HSD17B12: variants seen among roughly 807,000 people sequenced by gnomAD.
HSD17B12 encodes hydroxysteroid 17-beta dehydrogenase 12.
HSD17B12 carries 32 observed loss-of-function variants against 39.3 expected under a neutral mutation model. That is an observed-to-expected ratio of 0.81 (90% CI 0.61 to 1.09). HSD17B12 has a LOEUF of 1.09. Among genes scored for constraint, HSD17B12 ranks in the 50% least tolerant of loss-of-function variants. The pLI is 0.00. For missense variants in HSD17B12, 342 were observed against 382.9 expected (o/e 0.89, Z 0.89); for synonymous variants, 150 against 146.7 (o/e 1.02, Z -0.16).
chr11:43,834,330 C>T (rs1171184469), intron 7 of HSD17B12, among the ~76,000 whole-genome samples: 1 of 151,500 alleles, frequency 6.6e-6, no homozygotes, highest in Non-Finnish European at 1.5e-5. Flanking sequence ...CTTTTGTACT[C>T]CTTGATATGA....
chr11:43,704,848 T>C (rs937084354), intron 1 of HSD17B12, among the ~76,000 whole-genome samples: 5 of 152,154 alleles, frequency 3.3e-5, no homozygotes, highest in African/African-American at 1.2e-4. Context: ...ACCAACACAC[T>C]GAGGATCACA....
chr11:43,599,839 C>G, the HSD17B12 span, among the ~76,000 whole-genome samples: 5 of 152,122 alleles, frequency 3.3e-5, no homozygotes, highest in Admixed American at 6.6e-5. Context: ...CATTTAATTT[C>G]ACTTAAATTG....
chr11:43,635,572 G>T, the HSD17B12 span, among the ~76,000 whole-genome samples: 1 of 152,206 alleles, frequency 6.6e-6, no homozygotes, highest in African/African-American at 2.4e-5. Context: ...GAACCCAGGG[G>T]TTGGAGGAGA....
At position 43,823,250 on chromosome 11, in the gene HSD17B12, C is replaced by CTCTT. The variant is rs377278830; in HGVS notation, c.501+6873_501+6876dup. On this transcript the variant is annotated intron_variant, in intron 6 of 10. Coordinates refer to ENST00000278353, the MANE Select transcript of HSD17B12 (RefSeq NM_016142.3). ...CTTCACTGAGCATTTCATTTTTAGA[C>CTCTT]TCTTTCTTTCTTTCTTTTGTGTGTG... Among the ~76,000 whole-genome samples, 102 of 151,756 alleles carry CTCTT rather than the reference C, an allele frequency of 6.7e-4. 1 individual carries two copies. Among genetic ancestry groups the CTCTT allele is most frequent in the African/African-American group, 2.4e-3 (100 of 41,394 alleles).
intron 4 of HSD17B12, among the ~76,000 whole-genome samples, chr11:43,805,508 C>T (rs1951009545): frequency 1.3e-5 from 2 of 152,114 alleles, no homozygotes; most frequent in South Asian, 4.1e-4. Context: ...CAAAGGTAAA[C>T]TTAATGTAGT....
At chr11:43,562,578 C>T in the HSD17B12 span, among the ~76,000 whole-genome samples, 2 of 152,122 alleles carry the variant, frequency 1.3e-5, no homozygotes, top group African/African-American at 4.8e-5. Flanking sequence ...GCTATTATAC[C>T]TCTGGACCAG....
At chr11:43,568,225 G>A in the HSD17B12 span, among the ~76,000 whole-genome samples, 7 of 151,884 alleles carry the variant, frequency 4.6e-5, no homozygotes, top group Admixed American at 6.6e-5. Context: ...TCAGCCTCCC[G>A]AGTAGCTAGA....
At chr11:43,691,519 A>G (rs181152189) in intron 1 of HSD17B12, among the ~76,000 whole-genome samples, 1 of 152,114 alleles carries the variant, frequency 6.6e-6, no homozygotes, top group African/African-American at 2.4e-5. Flanking sequence ...ATCTACCACT[A>G]CAGTCTCTCT....
the HSD17B12 span, among the ~76,000 whole-genome samples, chr11:43,620,527 C>A: frequency 6.6e-6 from 1 of 152,140 alleles, no homozygotes; most frequent in African/African-American, 2.4e-5. Context: ...ATAATGAAAT[C>A]ACTTGAGAAA....
At chr11:43,713,666 G>A (rs149525164) in intron 1 of HSD17B12, among the ~76,000 whole-genome samples, 2,783 of 152,178 alleles carry the variant, frequency 0.018, 31 homozygotes, top group Non-Finnish European at 0.025. Flanking sequence ...TGGGTCAAAT[G>A]GTATTTCTAG....
Position 43,718,987 on chromosome 11 carries a change from C to A in HSD17B12, c.161-31924C>A, listed in dbSNP as rs1048989789. 17 of 1,018,484 alleles carry A rather than the reference C, an allele frequency of 1.7e-5. No homozygotes were observed. The African/African-American group carries it at 2.5e-4, about 15-fold the overall frequency. The allele number at this position is 1,018,484 out of a possible 1,614,324, so 63.1% of individuals were successfully genotyped here. ...TTGTGTTCATTGTGGATGTTAAAGC[C>A]AACAAGCACCAGATCAAAAAGGCTG... On this transcript the variant is annotated intron_variant, in intron 1 of 10. Transcript: ENST00000278353.
chr11:43,578,880 A>C, the HSD17B12 span: 1 of 151,544 alleles, frequency 6.6e-6, no homozygotes, highest in African/African-American at 2.4e-5. Flanking sequence ...GCACAAGTTT[A>C]CCCCCCGAAC....
the HSD17B12 span, among the ~76,000 whole-genome samples, chr11:43,595,082 T>C: frequency 6.6e-6 from 1 of 152,174 alleles, no homozygotes; most frequent in Non-Finnish European, 1.5e-5. Flanking sequence ...TAACTATAAA[T>C]AAAGGTGTGA....
chr11:43,721,512 G>A (rs938273852), intron 1 of HSD17B12, among the ~76,000 whole-genome samples: 2 of 151,984 alleles, frequency 1.3e-5, no homozygotes, highest in African/African-American at 2.4e-5. Context: ...CCAGCTACTC[G>A]GGAGGCTAAG....
chr11:43,828,097 T>C (rs1446827233), intron 6 of HSD17B12, among the ~76,000 whole-genome samples: 1 of 151,730 alleles, frequency 6.6e-6, no homozygotes, highest in Non-Finnish European at 1.5e-5. Context: ...GATTTCACAC[T>C]CTCACTGTTG....
intron 1 of HSD17B12, among the ~76,000 whole-genome samples, chr11:43,715,773 G>A (rs1171031937): frequency 6.6e-6 from 1 of 151,990 alleles, no homozygotes; most frequent in Non-Finnish European, 1.5e-5. Context: ...TGAGAGCTTG[G>A]AATGTGGCCA....
chr11:43,743,940 A>G (rs1262778671), intron 1 of HSD17B12, among the ~76,000 whole-genome samples: 2 of 152,230 alleles, frequency 1.3e-5, no homozygotes, highest in African/African-American at 4.8e-5. Context: ...TAATGGATCT[A>G]TAATAAGAAC....
Position 43,855,292 on chromosome 11 carries a change from T to G in HSD17B12, c.*44T>G. On this transcript the variant is annotated 3_prime_UTR_variant, in exon 11 of 11. Coordinates refer to ENST00000278353, the MANE Select transcript of HSD17B12 (RefSeq NM_016142.3). ...TAACTTGGCCAGATGCTCCAGCATA[T>G]GCACGTTCACTGCAAAGCACCCTAC... The G allele has an allele frequency of 8.1e-7, 1 of 1,241,098 alleles. No individual in the cohort carries two copies. The highest frequency in any genetic ancestry group is 1.2e-6 in the Non-Finnish European group (1 of 867,962). 76.9% of individuals were successfully genotyped at this position (1,241,098 alleles called of 1,614,324 possible). A position where few individuals can be genotyped will look rare whatever the true frequency, so the allele number is the denominator to read the frequency against.
At chr11:43,719,066 G>C in intron 1 of HSD17B12, 1 of 796,740 alleles carries the variant, frequency 1.3e-6, no homozygotes, top group South Asian at 1.3e-5. Flanking sequence ...GATTCAGCCT[G>C]ATGGAGAGAA....
Sources: allele counts gnomAD v4.1 joint callset (sites outside exome capture counted in the v4.1 genomes callset), GRCh38; gene constraint gnomAD v4.1.1; transcripts MANE v1.5; gene names NCBI Gene and HGNC (gene_info 2026-07-23, HGNC 2026-07-21).